The following SPEF2 variants were observed in gnomAD, a reference collection of about 807,000 sequenced individuals.
SPEF2 encodes sperm flagellar and cilia associated 2, also known as sperm flagella and cilia-associated protein 2.
A neutral mutation model predicts 224.6 loss-of-function variants in SPEF2; 187 were observed. The ratio of observed to expected loss-of-function variants is 0.83; its 90% CI spans 0.74 to 0.94. The LOEUF (loss-of-function observed/expected upper bound fraction) is 0.94, where lower values mean the gene tolerates loss of function less well. SPEF2 is among the 40% of genes least tolerant of loss of function. SPEF2 has a pLI of 0.00. For synonymous variants in SPEF2, 715 were observed against 707.3 expected, an observed-to-expected ratio of 1.01 and a Z score of -0.17; for missense variants, 2,170 against 2,135.6, an observed-to-expected ratio of 1.02 and a Z score of -0.32.
Position 35,705,752 on chromosome 5 carries a change from T to C in SPEF2, c.2609T>C (p.Leu870Ser), listed in dbSNP as rs1204877579. 6.4e-7 allele frequency: 1 copy of C among 1,556,794 alleles called. No individual in the cohort carries two copies. The highest frequency in any genetic ancestry group is 8.7e-7 in the Non-Finnish European group (1 of 1,146,518). The change falls in exon 18 of 37, where the codon TTA (leucine) becomes TCA (serine). Residue 870 changes from leucine to serine, a missense_variant. Coordinates refer to ENST00000356031, the MANE Select transcript of SPEF2 (RefSeq NM_024867.4). ...KINAEIDKES[L>S]CEKVKEILTT... is the part of the protein sequence containing the mutation. ...AATGCTGAAATAGATAAGGAATCTT[T>C]ATGTGAAAAAGTAAAAGAAATTCTT...
chr5:35,802,113 C>G (rs1162081144), intron 34 of SPEF2, among the ~76,000 whole-genome samples: 1 of 152,126 alleles, frequency 6.6e-6, no homozygotes, highest in East Asian at 1.9e-4. Context: ...TAACGTGAGG[C>G]CTTGCCAGCC....
chr5:35,707,351 ACTTAACAGGCAATTCCCTTTT>A, intron 18 of SPEF2, among the ~76,000 whole-genome samples: 1 of 152,204 alleles, frequency 6.6e-6, no homozygotes. Flanking sequence ...ACTTAAAGAG[ACTTAACAGGCAATTCCCTTTT>A]CTACTTGTCT....
intron 10 of SPEF2, 99 bp from the exon 11 acceptor site, chr5:35,690,938 T>C: frequency 1.2e-6 from 1 of 863,478 alleles, no homozygotes. Context: ...TTGGCTTTTG[T>C]TGGCTATAAT....
At chr5:35,679,597 A>G (rs960201785) in intron 10 of SPEF2, among the ~76,000 whole-genome samples, 2 of 152,214 alleles carry the variant, frequency 1.3e-5, no homozygotes, top group Admixed American at 6.6e-5. Flanking sequence ...AGTCTAGGAC[A>G]CCCAAGGCAA....
intron 2 of SPEF2, among the ~76,000 whole-genome samples, chr5:35,633,559 T>C (rs541238737): frequency 3.9e-4 from 59 of 152,172 alleles, no homozygotes; most frequent in Non-Finnish European, 7.1e-4. Context: ...AAGCATATGA[T>C]TGGATTGTAT....
intron 1 of SPEF2, among the ~76,000 whole-genome samples, chr5:35,623,847 A>G (rs1386707048): frequency 1.3e-5 from 2 of 152,278 alleles, no homozygotes; most frequent in South Asian, 2.1e-4. Flanking sequence ...ATAACAATAA[A>G]AATAATCACT....
At chr5:35,757,933 A>G (rs1750685356) in intron 24 of SPEF2, among the ~76,000 whole-genome samples, 1 of 152,322 alleles carries the variant, frequency 6.6e-6, no homozygotes, top group South Asian at 2.1e-4. Flanking sequence ...TCATTTAGTT[A>G]GAAAAGTCGA....
intron 2 of SPEF2, among the ~76,000 whole-genome samples, chr5:35,637,143 G>C (rs1392934081): frequency 6.6e-6 from 1 of 152,092 alleles, no homozygotes; most frequent in African/African-American, 2.4e-5. Context: ...CCACCATGGA[G>C]CTAGGGAGTG....
chr5:35,644,480 A>T lies in SPEF2; in HGVS notation c.540A>T (p.Arg180Ser), dbSNP rs548864051. 27 of 1,606,266 alleles carry T rather than the reference A, an allele frequency of 1.7e-5. No homozygotes were observed. In the East Asian group the frequency reaches 5.8e-4, roughly 35 times the overall value. ...ATTTGCATTTTGAGAAACTTGAAAG[A>T]TTTCAAAAACTCAAGGAAGAGCAAA... ...LAHLHFEKLE[R>S]FQKLKEEQRC... Residue 180 changes from arginine to serine, a missense_variant, in exon 4 of 37, where the codon AGA becomes AGT. By Grantham distance (110) the Arg-to-Ser change is moderately radical (BLOSUM62 -1). Coordinates refer to ENST00000356031, the MANE Select transcript of SPEF2 (RefSeq NM_024867.4).
intron 20 of SPEF2, among the ~76,000 whole-genome samples, chr5:35,725,231 T>C (rs1371426702): frequency 6.6e-6 from 1 of 152,244 alleles, no homozygotes; most frequent in Non-Finnish European, 1.5e-5. Flanking sequence ...ATTGCCATTG[T>C]TGGCAGCCCA....
chr5:35,794,442 C>G (rs982604134), intron 32 of SPEF2, among the ~76,000 whole-genome samples: 1 of 152,010 alleles, frequency 6.6e-6, no homozygotes, highest in Non-Finnish European at 1.5e-5. Context: ...GGAGTTGAGC[C>G]AGAAGGAAAA....
At chr5:35,811,532 G>T (rs1310294831) in intron 36 of SPEF2, among the ~76,000 whole-genome samples, 1 of 152,048 alleles carries the variant, frequency 6.6e-6, no homozygotes, top group Non-Finnish European at 1.5e-5. Flanking sequence ...TACCTATGAA[G>T]TGTGTGGCCT....
intron 11 of SPEF2, 54 bp downstream of exon 11, chr5:35,691,310 T>C (rs1406007932): frequency 7.4e-7 from 1 of 1,352,764 alleles, no homozygotes; most frequent in Non-Finnish European, 1.1e-6. Context: ...ACACTGACTG[T>C]AGCTGCAAAT....
At chr5:35,773,204 T>A (rs144452341) in intron 27 of SPEF2, among the ~76,000 whole-genome samples, 5 of 152,060 alleles carry the variant, frequency 3.3e-5, no homozygotes, top group Non-Finnish European at 5.9e-5. Context: ...ATGACAAAAC[T>A]CTGTCTTTAC....
chr5:35,698,775 G>T (rs1289665744), intron 15 of SPEF2: 1 of 152,166 alleles, frequency 6.6e-6, no homozygotes, highest in Non-Finnish European at 1.5e-5. Context: ...TCTGGCTAGT[G>T]GTATAGCCCC....
intron 3 of SPEF2, 109 bp from the exon 4 acceptor site, chr5:35,644,246 A>G: frequency 1.0e-6 from 1 of 953,130 alleles, no homozygotes; most frequent in Non-Finnish European, 1.5e-6. Flanking sequence ...AACTATCAAC[A>G]ATAGTAATTT....
intron 7 of SPEF2, among the ~76,000 whole-genome samples, chr5:35,655,254 GT>G (rs1233384786): frequency 1.3e-5 from 2 of 152,292 alleles, no homozygotes; most frequent in African/African-American, 4.8e-5. Flanking sequence ...AACTCTGGGG[GT>G]GGGGCCCAGT....
rs1206114155 is a variant in SPEF2, at chr5:35,778,201, G to T, written c.4218-916G>T. On this transcript the variant is annotated intron_variant, in intron 29 of 36. Transcript: ENST00000356031. The stretch of plus-strand genomic sequence containing the variant: ...TTTTTCTGTGTTGCTCACTTTCATT[G>T]TAATATATAAACAAGATCCTTTCTT... Among the ~76,000 whole-genome samples the T allele has an allele frequency of 2.0e-5, 3 of 152,062 alleles. 1 individual carries two copies. The highest frequency in any genetic ancestry group is 2.4e-5 in the African/African-American group (1 of 41,396).
intron 33 of SPEF2, among the ~76,000 whole-genome samples, chr5:35,798,136 G>A (rs576617917): frequency 6.6e-6 from 1 of 152,192 alleles, no homozygotes; most frequent in South Asian, 2.1e-4. Flanking sequence ...TGACTGCAAC[G>A]GCCTCGTGAT....
Sources: allele counts gnomAD v4.1 joint callset (sites outside exome capture counted in the v4.1 genomes callset), GRCh38; gene constraint gnomAD v4.1.1; transcripts MANE v1.5; gene names NCBI Gene and HGNC (gene_info 2026-07-23, HGNC 2026-07-21).